Variants in CTNND2 observed in about 807,000 individuals in gnomAD.
CTNND2 encodes the protein catenin delta-2.
Under a neutral mutation model 144.4 loss-of-function variants are expected in CTNND2, and 22 were observed. The observed-to-expected ratio is 0.15, with a 90% CI of 0.11 to 0.22. The LOEUF is 0.22. Ranked by LOEUF, CTNND2 falls within the 10% of genes least tolerant of loss-of-function variation. The pLI is 1.00. For missense variants in CTNND2, 1,353 were observed against 1,618.8 expected (o/e 0.84, Z 2.82); for synonymous variants, 751 against 695.6 (o/e 1.08, Z -1.25).
chr5:11,738,738 G>A (rs1400459468), intron 1 of CTNND2, among the ~76,000 whole-genome samples: 1 of 152,144 alleles, frequency 6.6e-6, no homozygotes, highest in Non-Finnish European at 1.5e-5. Flanking sequence ...AAGTGATACA[G>A]CCAGCATTCT....
intron 2 of CTNND2, among the ~76,000 whole-genome samples, chr5:11,573,966 C>T (rs570899483): frequency 1.6e-3 from 250 of 152,132 alleles, no homozygotes; most frequent in Non-Finnish European, 3.1e-3. Flanking sequence ...GGCTACATGT[C>T]TTGGTATTTG....
intron 9 of CTNND2, among the ~76,000 whole-genome samples, chr5:11,259,808 G>A (rs1434925103): frequency 6.6e-6 from 1 of 152,146 alleles, no homozygotes; most frequent in East Asian, 1.9e-4. Context: ...GCTTTGTTGA[G>A]GCCATCAGTT....
chr5:11,200,709 C>T (rs975427516), intron 10 of CTNND2, among the ~76,000 whole-genome samples: 4 of 152,068 alleles, frequency 2.6e-5, no homozygotes, highest in Non-Finnish European at 4.4e-5. Flanking sequence ...GACAGAGTCT[C>T]GCTCTGTCAC....
At chr5:11,020,751 T>A (rs1454429503) in intron 17 of CTNND2, among the ~76,000 whole-genome samples, 1 of 146,290 alleles carries the variant, frequency 6.8e-6, no homozygotes, top group Non-Finnish European at 1.5e-5. Context: ...AAAAAAGAGA[T>A]AAGCTACATG....
At chr5:11,256,589 A>G (rs1466703521) in intron 9 of CTNND2, among the ~76,000 whole-genome samples, 1 of 152,254 alleles carries the variant, frequency 6.6e-6, no homozygotes, top group African/African-American at 2.4e-5. Context: ...AGATAAAAAT[A>G]AGAATGATGA....
At chr5:11,817,408 A>G (rs72491395) in intron 1 of CTNND2, among the ~76,000 whole-genome samples, 184 of 2,616 alleles carry the variant, frequency 0.07, no homozygotes, top group South Asian at 0.1. Context: ...GAGAGAGAGG[A>G]GGGAGAGAGA....
At chr5:11,270,771 T>C (rs113246639) in intron 9 of CTNND2, among the ~76,000 whole-genome samples, 10 of 152,336 alleles carry the variant, frequency 6.6e-5, no homozygotes, top group South Asian at 2.1e-4. Flanking sequence ...TTTAGCCTTA[T>C]TATTGCAAGA....
intron 7 of CTNND2, among the ~76,000 whole-genome samples, chr5:11,372,290 G>A (rs1371929813): frequency 1.3e-5 from 2 of 152,150 alleles, no homozygotes; most frequent in Non-Finnish European, 2.9e-5. Context: ...CCTTGTTCCT[G>A]TACTTTCTTT....
At chr5:11,102,257 C>A (rs1010901919) in intron 14 of CTNND2, among the ~76,000 whole-genome samples, 1 of 152,132 alleles carries the variant, frequency 6.6e-6, no homozygotes, top group Non-Finnish European at 1.5e-5. Flanking sequence ...TTGTGCAAGT[C>A]ATTCACATGC....
At chr5:11,591,949 T>C (rs1457198918) in intron 2 of CTNND2, among the ~76,000 whole-genome samples, 1 of 152,118 alleles carries the variant, frequency 6.6e-6, no homozygotes, top group Non-Finnish European at 1.5e-5. Flanking sequence ...TGAAGGCAGC[T>C]GGTAGCTGAA....
intron 12 of CTNND2, among the ~76,000 whole-genome samples, chr5:11,156,234 T>C (rs1016915951): frequency 2.6e-5 from 4 of 152,242 alleles, no homozygotes; most frequent in African/African-American, 9.6e-5. Flanking sequence ...CTTTTGGACA[T>C]TTAAGAGCAA....
intron 1 of CTNND2, among the ~76,000 whole-genome samples, chr5:11,880,552 CTA>C (rs1735976409): frequency 1.1e-5 from 1 of 92,538 alleles, no homozygotes; most frequent in Non-Finnish European, 2.3e-5. Flanking sequence ...ACTACTACCA[CTA>C]CTACTGCTAC....
intron 1 of CTNND2, among the ~76,000 whole-genome samples, chr5:11,826,239 C>A (rs1332531094): frequency 6.6e-6 from 1 of 151,968 alleles, no homozygotes; most frequent in Non-Finnish European, 1.5e-5. Context: ...ACTATTGTAA[C>A]TTCCTTACAA....
At chr5:11,421,124 A>AATCTGATTTCCATGCTATAATCTG (rs1762329226) in intron 3 of CTNND2, among the ~76,000 whole-genome samples, 1 of 152,084 alleles carries the variant, frequency 6.6e-6, no homozygotes, top group Non-Finnish European at 1.5e-5. Context: ...ACTTCATTAT[A>AATCTGATTTCCATGCTATAATCTG]ATCTGATTTC....
At chr5:11,196,249 T>A (rs983743043) in intron 11 of CTNND2, among the ~76,000 whole-genome samples, 5 of 152,236 alleles carry the variant, frequency 3.3e-5, no homozygotes, top group African/African-American at 1.2e-4. Context: ...AAACTGTGCT[T>A]TAGTTTTTTA....
intron 8 of CTNND2, among the ~76,000 whole-genome samples, chr5:11,354,552 C>G (rs1251841802): frequency 6.6e-6 from 1 of 152,150 alleles, no homozygotes; most frequent in Non-Finnish European, 1.5e-5. Flanking sequence ...TGTCTATACA[C>G]TTGCAACATT....
At chr5:11,576,525 C>T (rs1358511438) in intron 2 of CTNND2, among the ~76,000 whole-genome samples, 1 of 151,738 alleles carries the variant, frequency 6.6e-6, no homozygotes, top group African/African-American at 2.4e-5. Flanking sequence ...GTATGTAAAA[C>T]TTTTCAGAGT....
intron 18 of CTNND2, among the ~76,000 whole-genome samples, chr5:10,997,658 T>C (rs370470288): frequency 9.9e-5 from 15 of 152,076 alleles, no homozygotes; most frequent in African/African-American, 3.4e-4. Context: ...GCAGAAGTCC[T>C]AAATATGACT....
At chr5:11,399,793 A>T (rs1003593060) in intron 5 of CTNND2, among the ~76,000 whole-genome samples, 7 of 152,256 alleles carry the variant, frequency 4.6e-5, no homozygotes, top group Non-Finnish European at 1.0e-4. Flanking sequence ...TGAGCAATGT[A>T]TCAGAATATT....
Sources: gnomAD v4.1 joint callset for allele counts (sites outside exome capture counted in the v4.1 genomes callset) on GRCh38, gnomAD v4.1.1 for gene constraint, MANE v1.5 for transcripts, NCBI Gene and HGNC (gene_info 2026-07-23, HGNC 2026-07-21) for gene names.